The following PRRX1 variants were observed in gnomAD, a reference collection of about 807,000 sequenced individuals.
PRRX1 encodes the protein paired related homeobox 1.
Under a neutral mutation model 24.0 loss-of-function variants are expected in PRRX1, and 8 were observed. That is an observed-to-expected ratio of 0.33 (90% CI 0.20 to 0.60). PRRX1 has a LOEUF of 0.60. PRRX1 is among the 20% of genes least tolerant of loss of function. The pLI is 0.82. For synonymous variants in PRRX1, 160 were observed against 131.7 expected (o/e 1.22, Z -1.47); for missense variants, 281 against 322.4 (o/e 0.87, Z 0.98).
At chr1:170,689,767 T>C (rs1653865770) in intron 1 of PRRX1, among the ~76,000 whole-genome samples, 2 of 150,902 alleles carry the variant, frequency 1.3e-5, no homozygotes, top group African/African-American at 4.9e-5. Context: ...TGGGTTGTCA[T>C]AAAGACCAAG....
chr1:170,684,558 G>A (rs921525590), intron 1 of PRRX1, among the ~76,000 whole-genome samples: 10 of 152,206 alleles, frequency 6.6e-5, no homozygotes, highest in African/African-American at 1.9e-4. Context: ...TTCAAGACTA[G>A]CCTGGCCAAC....
intron 1 of PRRX1, among the ~76,000 whole-genome samples, chr1:170,702,588 G>C (rs1356618913): frequency 6.6e-6 from 1 of 152,188 alleles, no homozygotes; most frequent in East Asian, 1.9e-4. Context: ...AATTTCTTTA[G>C]AGTGAGGGTA....
At chr1:170,732,361 C>T (rs1655461706) in intron 3 of PRRX1, among the ~76,000 whole-genome samples, 2 of 152,204 alleles carry the variant, frequency 1.3e-5, no homozygotes, top group African/African-American at 4.8e-5. Context: ...ACTCAAGGCT[C>T]TCTTGCATCT....
At chr1:170,699,980 T>G (rs1430657323) in intron 1 of PRRX1, among the ~76,000 whole-genome samples, 1 of 152,102 alleles carries the variant, frequency 6.6e-6, no homozygotes, top group Non-Finnish European at 1.5e-5. Context: ...CCTCAACCTC[T>G]CAAAGTACTG....
chr1:170,730,489 A>C, intron 3 of PRRX1: 1 of 688,064 alleles, frequency 1.5e-6, no homozygotes, highest in African/African-American at 1.8e-5. Context: ...TGGTAACCAG[A>C]GCTGCAAGAA....
chr1:170,679,681 TTTA>T (rs775354322), intron 1 of PRRX1, among the ~76,000 whole-genome samples: 4 of 152,118 alleles, frequency 2.6e-5, no homozygotes, highest in Admixed American at 6.5e-5. Flanking sequence ...TTACAGGCAT[TTTA>T]TTTTTTGTCA....
chr1:170,684,639 G>C (rs542433262), intron 1 of PRRX1, among the ~76,000 whole-genome samples: 2 of 152,248 alleles, frequency 1.3e-5, no homozygotes, highest in South Asian at 2.1e-4. Context: ...TGTAATCCCA[G>C]CTACTCAGGA....
chr1:170,726,605 A>G, intron 3 of PRRX1: 2 of 588,888 alleles, frequency 3.4e-6, no homozygotes, highest in Non-Finnish European at 5.9e-6. Context: ...TGAGAGGGGC[A>G]GGCTATCTCA....
chr1:170,714,658 T>C (rs932150324), intron 1 of PRRX1, among the ~76,000 whole-genome samples: 8 of 152,166 alleles, frequency 5.3e-5, no homozygotes, highest in African/African-American at 1.9e-4. Flanking sequence ...TGAGGGGTGT[T>C]GGAGTTAGCT....
At chr1:170,709,865 G>T (rs1036624305) in intron 1 of PRRX1, among the ~76,000 whole-genome samples, 2 of 152,178 alleles carry the variant, frequency 1.3e-5, no homozygotes, top group Non-Finnish European at 2.9e-5. Flanking sequence ...CAAGGCTGAC[G>T]CCACTTGACT....
intron 1 of PRRX1, chr1:170,667,946 C>T (rs1036441547): frequency 1.3e-5 from 2 of 152,136 alleles, no homozygotes; most frequent in Admixed American, 6.5e-5. Context: ...TAGGTATTCT[C>T]TAAAGTGAGG....
rs186305425 is a variant in PRRX1, at chr1:170,710,296, T to A, written c.242-9430T>A. On this transcript the variant is annotated intron_variant, in intron 1 of 3. Coordinates refer to ENST00000239461, the MANE Select transcript of PRRX1 (RefSeq NM_022716.4). ...TTTTTATTAGGCTAGGCATTGGAAG[T>A]GTAAAAACTATCCTATAACTCCACA... is the stretch of plus-strand genomic sequence containing the variant. 3.8e-3 allele frequency among the ~76,000 whole-genome samples: 584 copies of A among 152,286 alleles called. 2 individuals carry two copies. The highest frequency in any genetic ancestry group is 0.013 in the African/African-American group (557 of 41,570).
chr1:170,710,389 G>A (rs929803855), intron 1 of PRRX1, among the ~76,000 whole-genome samples: 1 of 152,062 alleles, frequency 6.6e-6, no homozygotes, highest in East Asian at 1.9e-4. Context: ...GGACACTTGA[G>A]GGCTAACATC....
rs149923427 is a variant in PRRX1, at chr1:170,699,227, C to T, written c.242-20499C>T. On this transcript the variant is annotated intron_variant, in intron 1 of 3. Transcript: ENST00000239461. ...GCAGGAGATAAATGCTCAGGCCGTC[C>T]GGCTGCCAATTTCAGCACATAAAGG... Among the ~76,000 whole-genome samples, 1,122 of 152,230 alleles carry T rather than the reference C, an allele frequency of 7.4e-3. 10 individuals carry two copies. The highest frequency in any genetic ancestry group is 0.026 in the African/African-American group (1,079 of 41,536).
At chr1:170,666,547 C>A (rs1370946754) in intron 1 of PRRX1, among the ~76,000 whole-genome samples, 4 of 151,224 alleles carry the variant, frequency 2.6e-5, no homozygotes, top group Admixed American at 2.0e-4. Flanking sequence ...TACCACTGTT[C>A]GGATACTAGA....
intron 1 of PRRX1, among the ~76,000 whole-genome samples, chr1:170,698,687 C>A (rs551363701): frequency 6.6e-6 from 1 of 152,194 alleles, no homozygotes; most frequent in South Asian, 2.1e-4. Flanking sequence ...GCAGAATTGG[C>A]GTAAAGTTGT....
chr1:170,664,095 C>CTCTCTCTCTCTCTCTCTCTG, upstream of PRRX1: 1 of 994,266 alleles, frequency 1.0e-6, no homozygotes, highest in Non-Finnish European at 1.5e-6. Context: ...CTCCCTCTCT[C>CTCTCTCTCTCTCTCTCTCTG]TCTCTCTCTC....
chr1:170,697,076 A>G (rs1365316615), intron 1 of PRRX1, among the ~76,000 whole-genome samples: 1 of 152,178 alleles, frequency 6.6e-6, no homozygotes, highest in African/African-American at 2.4e-5. Flanking sequence ...TAGGGGCCTC[A>G]TACATGAATA....
chr1:170,707,542 C>T (rs1010493719), intron 1 of PRRX1, among the ~76,000 whole-genome samples: 2 of 152,156 alleles, frequency 1.3e-5, no homozygotes, highest in Non-Finnish European at 1.5e-5. Context: ...ATCCTTTCTT[C>T]CATCTACTCA....
Sources: gnomAD v4.1 joint callset for allele counts (sites outside exome capture counted in the v4.1 genomes callset) on GRCh38, gnomAD v4.1.1 for gene constraint, MANE v1.5 for transcripts, NCBI Gene and HGNC (gene_info 2026-07-23, HGNC 2026-07-21) for gene names.